ATP6V1D: variants seen among roughly 807,000 people sequenced by gnomAD.
ATP6V1D encodes ATPase H+ transporting V1 subunit D, also known as V-type proton ATPase subunit D.
A neutral mutation model predicts 39.4 loss-of-function variants in ATP6V1D; 20 were observed. The ratio of observed to expected loss-of-function variants is 0.51; its 90% confidence interval spans 0.36 to 0.74. ATP6V1D has a LOEUF of 0.74. ATP6V1D is among the 30% of genes least tolerant of loss of function. ATP6V1D has a pLI of 0.00. For synonymous variants in ATP6V1D, 100 were observed against 100.5 expected (o/e 0.99, Z 0.03); for missense variants, 228 against 291.6 (o/e 0.78, Z 1.59).
At chr14:67,341,330 C>CT (rs1420076070) in intron 7 of ATP6V1D, among the ~76,000 whole-genome samples, 1 of 152,088 alleles carries the variant, frequency 6.6e-6, no homozygotes, top group African/African-American at 2.4e-5. Flanking sequence ...GCCACCCCGT[C>CT]TGAGAAGTGA....
At chr14:67,350,154 G>C (rs2085646598) in intron 3 of ATP6V1D, among the ~76,000 whole-genome samples, 2 of 152,194 alleles carry the variant, frequency 1.3e-5, no homozygotes, top group Non-Finnish European at 1.5e-5. Context: ...AAGCCATGAA[G>C]TTCATGCCTT....
chr14:67,350,197 C>A (rs10129185), intron 3 of ATP6V1D, among the ~76,000 whole-genome samples: 28,831 of 151,994 alleles, frequency 0.19, 4,386 homozygotes, highest in East Asian at 0.48. Context: ...ATTTATCCTA[C>A]GGGAATAATT....
intron 7 of ATP6V1D, among the ~76,000 whole-genome samples, chr14:67,341,246 C>T (rs1440761022): frequency 6.6e-6 from 1 of 151,720 alleles, no homozygotes; most frequent in African/African-American, 2.4e-5. Flanking sequence ...TCTGCCCGGC[C>T]GCCCATCGTC....
At chr14:67,351,048 G>C (rs1043450046) in intron 2 of ATP6V1D, among the ~76,000 whole-genome samples, 2 of 152,172 alleles carry the variant, frequency 1.3e-5, no homozygotes, top group Non-Finnish European at 2.9e-5. Context: ...TAATTTTAAA[G>C]TACATCTGGA....
At chr14:67,353,673 T>A (rs1222327132) in intron 1 of ATP6V1D, 1 of 152,192 alleles carries the variant, frequency 6.6e-6, no homozygotes, top group Admixed American at 6.6e-5. Context: ...GTATTTTTAG[T>A]AGAGACAGGG....
chr14:67,354,143 G>A (rs1197932742), intron 1 of ATP6V1D, among the ~76,000 whole-genome samples: 1 of 152,050 alleles, frequency 6.6e-6, no homozygotes. Flanking sequence ...AGCAGAAAAT[G>A]GACTAAGACA....
chr14:67,358,781 C>T (rs936127958), intron 1 of ATP6V1D, among the ~76,000 whole-genome samples: 9 of 152,162 alleles, frequency 5.9e-5, no homozygotes, highest in Non-Finnish European at 1.0e-4. Context: ...GAGAAAACGT[C>T]AAAATTTTCC....
intron 2 of ATP6V1D, chr14:67,352,638 G>A (rs747597485): frequency 4.1e-6 from 1 of 245,370 alleles, no homozygotes; most frequent in African/African-American, 2.3e-5. Context: ...GCAGGAGAAA[G>A]AGCTAATGAA....
At chr14:67,348,347 G>T (rs1251232851) in intron 4 of ATP6V1D, among the ~76,000 whole-genome samples, 2 of 152,010 alleles carry the variant, frequency 1.3e-5, no homozygotes, top group African/African-American at 4.8e-5. Flanking sequence ...TGGGATTACA[G>T]GTGTGAGCCA....
chr14:67,348,474 G>A (rs952158577), intron 4 of ATP6V1D, among the ~76,000 whole-genome samples: 1 of 151,428 alleles, frequency 6.6e-6, no homozygotes. Context: ...CAAAGTGCTG[G>A]GATTACAGGT....
intron 1 of ATP6V1D, among the ~76,000 whole-genome samples, chr14:67,356,444 A>C (rs1324456510): frequency 4.9e-5 from 7 of 142,074 alleles, no homozygotes; most frequent in Non-Finnish European, 8.8e-5. Context: ...CAAAAAAAAA[A>C]AAACAAAAAC....
chr14:67,340,483 T>TA lies in ATP6V1D; in HGVS notation c.558dup (p.Ile187TyrfsTer7). 1 of 1,613,766 alleles carries TA rather than the reference T, an allele frequency of 6.2e-7. No individual in the cohort carries two copies. ...TCTCTCTCATCCAGCTCTGTGATGA[T>TA]ATAAGCAAGAGTACGTTCAATCCGG... On this transcript the variant is annotated frameshift_variant, in exon 8 of 9. Coordinates refer to ENST00000216442, the MANE Select transcript of ATP6V1D (RefSeq NM_015994.4). LOFTEE classifies it high-confidence loss of function.
intron 1 of ATP6V1D, among the ~76,000 whole-genome samples, chr14:67,355,053 C>A (rs966653231): frequency 1.3e-5 from 2 of 152,082 alleles, no homozygotes; most frequent in African/African-American, 4.8e-5. Context: ...CTCAGGTGAT[C>A]CGCCCACCTC....
chr14:67,359,774 G>T lies in ATP6V1D; in HGVS notation c.-76C>A. 6.4e-7 allele frequency: 1 copy of T among 1,551,520 alleles called. No homozygotes were observed. Among genetic ancestry groups the T allele is most frequent in the African/African-American group, 1.4e-5 (1 of 73,878 alleles). On this transcript the variant is annotated 5_prime_UTR_variant, in exon 1 of 9. The change creates a new upstream start codon in the 5' untranslated region. Coordinates refer to ENST00000216442, the MANE Select transcript of ATP6V1D (RefSeq NM_015994.4). ...AATAGCTCCAGAACTGGCCTCCACAGTGTCTTCCTCTACGGGAGTCAGCTG... is the reference window on the plus strand; with the variant it reads ...AATAGCTCCAGAACTGGCCTCCACATTGTCTTCCTCTACGGGAGTCAGCTG...
intron 1 of ATP6V1D, 131 bp from the exon 2 acceptor site, chr14:67,353,171 T>C: frequency 1.5e-6 from 1 of 670,022 alleles, no homozygotes; most frequent in Non-Finnish European, 2.5e-6. Context: ...AGAGAATTTG[T>C]AGCTGACAGG....
intron 6 of ATP6V1D, 30 bp from the exon 7 acceptor site, chr14:67,343,468 C>G (rs375590745): frequency 6.8e-7 from 1 of 1,463,468 alleles, no homozygotes; most frequent in African/African-American, 1.4e-5. Context: ...ATAATGTAAG[C>G]ACAAAGTCTT....
rs542114267 is a variant in ATP6V1D, at chr14:67,348,608, G to A, written c.307+429C>T. On this transcript the variant is annotated intron_variant, in intron 4 of 8. Transcript: ENST00000216442. ...GCAATCTCGGCTCACTGGAACCTCCGCTTCCCGGGTTCAAGCGATTCTCCT... is the reference window on the plus strand; with the variant it reads ...GCAATCTCGGCTCACTGGAACCTCCACTTCCCGGGTTCAAGCGATTCTCCT... Among the ~76,000 whole-genome samples the A allele has an allele frequency of 8.8e-4, 133 of 151,910 alleles. 1 individual carries two copies. The highest frequency in any genetic ancestry group is 3.4e-4 in the Non-Finnish European group (23 of 67,988).
At position 67,338,771 on chromosome 14, in the gene ATP6V1D, T is replaced by C; in HGVS notation, c.603-9A>G. 1 of 1,607,956 alleles carries C rather than the reference T, an allele frequency of 6.2e-7. No homozygotes were observed. The highest frequency in any genetic ancestry group is 1.3e-5 in the African/African-American group (1 of 74,702). On this transcript the variant is annotated splice_polypyrimidine_tract_variant and intron_variant, in intron 8 of 8. Transcript: ENST00000216442. The stretch of plus-strand genomic sequence containing the variant: ...CTTGTATTTTCTTTAACCTGTAAAA[T>C]ACAGGTGGGGGTGGATTTTTTAAAC...
At chr14:67,349,154 C>A in intron 3 of ATP6V1D, 50 bp from the exon 4 acceptor site, 4 of 1,537,994 alleles carry the variant, frequency 2.6e-6, no homozygotes, top group Non-Finnish European at 3.6e-6. Context: ...AGAAATAAAC[C>A]TACAGGGACC....
Sources: gnomAD v4.1 joint callset for allele counts (sites outside exome capture counted in the v4.1 genomes callset) on GRCh38, gnomAD v4.1.1 for gene constraint, MANE v1.5 for transcripts, NCBI Gene and HGNC (gene_info 2026-07-23, HGNC 2026-07-21) for gene names.